Variants in CSMD1 observed in about 807,000 individuals in gnomAD.
CSMD1 encodes CUB and Sushi multiple domains 1.
Under a neutral mutation model 417.5 loss-of-function variants are expected in CSMD1, and 213 were observed. The ratio of observed to expected loss-of-function variants is 0.51; its 90% CI spans 0.46 to 0.57. The LOEUF is 0.57. Among genes scored for constraint, CSMD1 ranks in the 20% least tolerant of loss-of-function variants. CSMD1 has a pLI of 0.00. For synonymous variants in CSMD1, 2,862 were observed against 1,736.8 expected, an observed-to-expected ratio of 1.65 and a Z score of -16.11; for missense variants, 6,923 against 4,529.7, an observed-to-expected ratio of 1.53 and a Z score of -15.17.
chr8:3,980,103 T>G (rs941802877), intron 5 of CSMD1, among the ~76,000 whole-genome samples: 13 of 146,828 alleles, frequency 8.9e-5, no homozygotes, highest in African/African-American at 2.9e-4. Context: ...TTTTGTCTGT[T>G]TTTTCTAGAA....
At chr8:3,785,698 G>A (rs1799420459) in intron 5 of CSMD1, among the ~76,000 whole-genome samples, 1 of 152,178 alleles carries the variant, frequency 6.6e-6, no homozygotes. Context: ...GCATGGAGGA[G>A]CCACGTGCTA....
chr8:3,158,659 G>A (rs1819689237), intron 38 of CSMD1, among the ~76,000 whole-genome samples: 1 of 151,644 alleles, frequency 6.6e-6, no homozygotes, highest in East Asian at 1.9e-4. Context: ...ACAAACAGTA[G>A]AGGGTTAAAT....
chr8:4,707,404 A>T (rs1808009840), intron 1 of CSMD1, among the ~76,000 whole-genome samples: 1 of 152,198 alleles, frequency 6.6e-6, no homozygotes, highest in African/African-American at 2.4e-5. Context: ...GTGCTGGGAA[A>T]CAAAGACAAG....
intron 3 of CSMD1, among the ~76,000 whole-genome samples, chr8:4,240,815 T>C (rs1199738160): frequency 6.6e-6 from 1 of 152,218 alleles, no homozygotes; most frequent in East Asian, 1.9e-4. Context: ...ATCTATTTTT[T>C]TATTTGGTGT....
At position 4,195,329 on chromosome 8, in the gene CSMD1, G is replaced by C. The variant is rs115919268; in HGVS notation, c.416-163230C>G. Among the ~76,000 whole-genome samples, 1,492 of 152,232 alleles carry C rather than the reference G, an allele frequency of 9.8e-3. 20 individuals carry two copies. Among genetic ancestry groups the C allele is most frequent in the African/African-American group, 0.033 (1,355 of 41,516 alleles). On this transcript the variant is annotated intron_variant, in intron 3 of 69. Coordinates refer to ENST00000635120, the MANE Select transcript of CSMD1 (RefSeq NM_033225.6). ...ATAGGCAGAAAAGGCAAATTCTATA[G>C]AACAGGATAAGTTAACAAATCACCC...
chr8:3,463,214 A>G lies in CSMD1; in HGVS notation c.1561+5498T>C, dbSNP rs572970048. On this transcript the variant is annotated intron_variant, in intron 12 of 69. Transcript: ENST00000635120. ...ACTGTTCAACCTCTCCCTCCACCCA[A>G]CTCCACTTCCTTCTCTGCCTTACAG... Among the ~76,000 whole-genome samples, 61 of 151,768 alleles carry G rather than the reference A, an allele frequency of 4.0e-4. No individual in the cohort carries two copies. In the South Asian group the frequency reaches 5.6e-3, roughly 14 times the overall value.
intron 3 of CSMD1, among the ~76,000 whole-genome samples, chr8:4,046,954 T>C (rs1271223108): frequency 6.6e-6 from 1 of 152,174 alleles, no homozygotes; most frequent in African/African-American, 2.4e-5. Context: ...AACTCCACCT[T>C]TGTCTCAGAT....
At chr8:2,982,312 T>C (rs1476231750) in intron 54 of CSMD1, among the ~76,000 whole-genome samples, 2 of 152,152 alleles carry the variant, frequency 1.3e-5, no homozygotes, top group Admixed American at 6.5e-5. Context: ...GCCGAGATCA[T>C]GCCACTGCAC....
intron 5 of CSMD1, among the ~76,000 whole-genome samples, chr8:3,943,132 C>T (rs1035613442): frequency 2.0e-5 from 3 of 152,028 alleles, no homozygotes; most frequent in Non-Finnish European, 4.4e-5. Flanking sequence ...ATTAAACAAG[C>T]TGAATGCATT....
At chr8:3,455,646 T>C (rs940717883) in intron 12 of CSMD1, among the ~76,000 whole-genome samples, 3 of 152,206 alleles carry the variant, frequency 2.0e-5, no homozygotes, top group Admixed American at 6.5e-5. Flanking sequence ...GAACAGCAAA[T>C]GCTGCTGCCT....
chr8:3,655,151 T>C (rs909356882), intron 7 of CSMD1, among the ~76,000 whole-genome samples: 2 of 152,250 alleles, frequency 1.3e-5, no homozygotes, highest in African/African-American at 4.8e-5. Flanking sequence ...GCTAAATCTC[T>C]TGCTTTTGAC....
intron 12 of CSMD1, among the ~76,000 whole-genome samples, chr8:3,427,180 T>A (rs1443143070): frequency 6.6e-6 from 1 of 152,182 alleles, no homozygotes; most frequent in South Asian, 2.1e-4. Context: ...AGATTTTGGG[T>A]GCAGACTCAG....
intron 1 of CSMD1, among the ~76,000 whole-genome samples, chr8:4,659,652 G>A (rs1030910708): frequency 6.6e-6 from 1 of 152,064 alleles, no homozygotes; most frequent in African/African-American, 2.4e-5. Flanking sequence ...AGGCGACAGG[G>A]GAGTGACTGT....
At chr8:4,691,038 T>C (rs909688334) in intron 1 of CSMD1, among the ~76,000 whole-genome samples, 2 of 152,224 alleles carry the variant, frequency 1.3e-5, no homozygotes, top group Admixed American at 1.3e-4. Context: ...AAATTATTTT[T>C]ACGCCGTGCT....
intron 2 of CSMD1, among the ~76,000 whole-genome samples, chr8:4,570,653 C>A (rs1304885199): frequency 6.6e-6 from 1 of 152,130 alleles, no homozygotes; most frequent in African/African-American, 2.4e-5. Flanking sequence ...TGATGCTGGC[C>A]TCATAAAATG....
chr8:4,903,009 T>TAATA (rs3038343), intron 1 of CSMD1, among the ~76,000 whole-genome samples: 149 of 144,412 alleles, frequency 1.0e-3, no homozygotes, highest in African/African-American at 3.1e-3. Flanking sequence ...ATAATATTAA[T>TAATA]AATAAATAAA....
chr8:3,938,674 A>T (rs998233253), intron 5 of CSMD1, among the ~76,000 whole-genome samples: 1 of 152,192 alleles, frequency 6.6e-6, no homozygotes, highest in Admixed American at 6.6e-5. Flanking sequence ...TCTGTTAATT[A>T]CTTTGAATGG....
intron 1 of CSMD1, among the ~76,000 whole-genome samples, chr8:4,717,821 G>T (rs565841470): frequency 6.6e-6 from 1 of 151,966 alleles, no homozygotes; most frequent in African/African-American, 2.4e-5. Flanking sequence ...AGATCTTACC[G>T]CCACCCCAGG....
At chr8:4,302,104 T>G (rs1340218356) in intron 3 of CSMD1, among the ~76,000 whole-genome samples, 1 of 152,234 alleles carries the variant, frequency 6.6e-6, no homozygotes, top group Non-Finnish European at 1.5e-5. Context: ...TTCATCATGT[T>G]CATTATGTAG....
Sources: gnomAD v4.1 joint callset for allele counts (sites outside exome capture counted in the v4.1 genomes callset) on GRCh38, gnomAD v4.1.1 for gene constraint, MANE v1.5 for transcripts, NCBI Gene and HGNC (gene_info 2026-07-23, HGNC 2026-07-21) for gene names.